The following JAG2 variants were observed in gnomAD, a reference collection of about 807,000 sequenced individuals.
JAG2 encodes protein jagged-2.
A neutral mutation model predicts 141.7 loss-of-function variants in JAG2; 46 were observed. The observed-to-expected ratio is 0.32, with a 90% CI of 0.26 to 0.42. The LOEUF (loss-of-function observed/expected upper bound fraction) is 0.42. Ranked by LOEUF, JAG2 falls within the 10% of genes least tolerant of loss-of-function variation. The pLI is 1.00. For missense variants in JAG2, 1,500 were observed against 1,817.5 expected (o/e 0.83, Z 3.18); for synonymous variants, 862 against 763.5 (o/e 1.13, Z -2.13).
chr14:105,167,982 G>A lies in JAG2; in HGVS notation c.192C>T (p.His64=). 1 of 1,603,094 alleles carries A rather than the reference G, an allele frequency of 6.2e-7. No homozygotes were observed. The highest frequency in any genetic ancestry group is 8.5e-7 in the Non-Finnish European group (1 of 1,177,722). Residue 64 remains histidine, a synonymous_variant, in exon 2 of 26, where the codon CAC becomes CAT. Transcript: ENST00000331782. The surrounding 1 kb of genome is among the most constrained non-coding windows in gnomAD (Gnocchi z 4.8). ...CGCGCACGTACGTGTCGCACTCGTC[G>A]TGGCCGCAGCCCCCCGCGCGCGTTG... ...GRTTRAGGCG[H]DECDTYVRVC...
chr14:105,156,127 G>A, intron 3 of JAG2, 138 bp from the exon 4 acceptor site: 1 of 1,151,166 alleles, frequency 8.7e-7, no homozygotes, highest in Non-Finnish European at 1.2e-6. Context: ...CGGAGGGCAG[G>A]GCCCCCGGCC....
Position 105,150,793 on chromosome 14 carries a change from A to C in JAG2, c.1429-16T>G. On this transcript the variant is annotated splice_polypyrimidine_tract_variant and intron_variant, in intron 11 of 25. Coordinates refer to ENST00000331782, the MANE Select transcript of JAG2 (RefSeq NM_002226.5). ...TCACCAGGTCCTGGGCGGGCCAGCCAGGTGAGCGTCCCGCAGGCACCCTGA... is the reference window on the plus strand; with the variant it reads ...TCACCAGGTCCTGGGCGGGCCAGCCCGGTGAGCGTCCCGCAGGCACCCTGA... 2.5e-6 allele frequency: 4 copies of C among 1,581,986 alleles called. No individual in the cohort carries two copies. The highest frequency in any genetic ancestry group is 3.4e-6 in the Non-Finnish European group (4 of 1,164,570).
intron 7 of JAG2, 80 bp from the exon 8 acceptor site, chr14:105,151,819 T>G: frequency 1.2e-6 from 2 of 1,600,882 alleles, no homozygotes; most frequent in South Asian, 2.2e-5. Context: ...AGCCCACAGG[T>G]TCCCAAGCTG....
rs1394630019 is a variant in JAG2 at position 105,167,741 on chromosome 14, G to A, written c.417+16C>T. 2.1e-6 allele frequency: 3 copies of A among 1,448,176 alleles called. No individual in the cohort carries two copies. The highest frequency in any genetic ancestry group is 3.1e-5 in the East Asian group (1 of 31,968). The allele number at this position is 1,448,176 out of a possible 1,614,324, so 89.7% of individuals were successfully genotyped here. ...GAGAGGGAAGGGCTGGAGCACGAGG[G>A]ATGGAGCGCACGTACCGGCCAGGCG... On this transcript the variant is annotated intron_variant, in intron 2 of 25. Transcript: ENST00000331782. This position sits in a 1 kb window ranked among gnomAD's most constrained non-coding sequence, Gnocchi z 4.8.
Position 105,155,575 on chromosome 14 carries a change from G to A in JAG2, c.775C>T (p.Pro259Ser). 1 of 1,612,826 alleles carries A rather than the reference G, an allele frequency of 6.2e-7. No homozygotes were observed. Among genetic ancestry groups the A allele is most frequent in the Non-Finnish European group, 8.5e-7 (1 of 1,179,954 alleles). Residue 259 changes from proline (P) to serine (S), a missense_variant, in exon 5 of 26, where the codon CCT (proline) becomes TCT (serine). Pro to Ser is a moderately conservative substitution (Grantham distance 74). Transcript: ENST00000331782. ...CGGCACACTCACCTGCACTCCCCAG[G>A]CACGGTGCATCCCCCGTGGAGCAAA... is the stretch of plus-strand genomic sequence containing the variant. ...CNLLHGGCTVPGECRCSYGWQ... is the reference protein window; with the variant it reads ...CNLLHGGCTVSGECRCSYGWQ...
At position 105,168,721 on chromosome 14, in the gene JAG2, T is replaced by G. The variant is rs1212491931; in HGVS notation, c.-301A>C. On this transcript the variant is annotated 5_prime_UTR_variant, in exon 1 of 26. Transcript: ENST00000331782. ...GCGGTGAAGGCAGCGGGTCCCGGCC[T>G]CGGCTCTGCGCGCCCGCGCTCCCGG... 1 of 163,092 alleles carries G rather than the reference T, an allele frequency of 6.1e-6. No homozygotes were observed. Among genetic ancestry groups the G allele is most frequent in the Non-Finnish European group, 1.3e-5 (1 of 77,356 alleles). 10.1% of individuals were successfully genotyped at this position (163,092 alleles called of 1,614,324 possible). A position where few individuals can be genotyped will look rare whatever the true frequency, so the allele number is the denominator to read the frequency against.
In JAG2 at chr14:105,142,934, T is replaced by C. The variant is rs1399666136; in HGVS notation, c.3478A>G (p.Arg1160Gly). The C allele has an allele frequency of 1.9e-6, 3 of 1,608,624 alleles. No homozygotes were observed. The highest frequency in any genetic ancestry group is 2.5e-6 in the Non-Finnish European group (3 of 1,177,774). Residue 1160 changes from arginine (R) to glycine (G), a missense_variant, in exon 26 of 26, where the codon AGG becomes GGG. This residue lies in a region of JAG2 where 425 missense variants were observed against 441.0 expected (regional missense o/e 0.96). Transcript: ENST00000331782. ...GGCCCGGGCAGCGCCTCGTCCGCCC[T>C]GCGCGGCGGCGGCGTGAAGTTCTTG... ...QCKNFTPPPR[R>G]ADEALPGPAG...
Position 105,148,735 on chromosome 14 carries a change from G to C in JAG2, c.2020+10C>G. The C allele has an allele frequency of 6.4e-7, 1 of 1,554,626 alleles. No homozygotes were observed. The highest frequency in any genetic ancestry group is 8.7e-7 in the Non-Finnish European group (1 of 1,149,114). On this transcript the variant is annotated intron_variant, in intron 15 of 25. Coordinates refer to ENST00000331782, the MANE Select transcript of JAG2 (RefSeq NM_002226.5). Reference sequence around the variant, plus strand: ...GCACAGGCCGTGTGGGCGGGTGCTGGAACACTCACTGGTGTCGCAGAGCTC... The same window carrying C: ...GCACAGGCCGTGTGGGCGGGTGCTGCAACACTCACTGGTGTCGCAGAGCTC...
rs1362481366 is a variant in JAG2, at chr14:105,163,242, C to T, written c.417+4515G>A. Among the ~76,000 whole-genome samples the T allele has an allele frequency of 3.3e-5, 5 of 152,334 alleles. No homozygotes were observed. In the South Asian group the frequency reaches 6.2e-4, roughly 19 times the overall value. ...CCAGGCCTCTGCCACCATTGTCACC[C>T]GAGGCAGGGAAGAAGGGGTGGGGGC... On this transcript the variant is annotated intron_variant, in intron 2 of 25. Transcript: ENST00000331782.
In JAG2 at chr14:105,143,148, A is replaced by G; in HGVS notation, c.3264T>C (p.Cys1088=). 1 of 1,598,584 alleles carries G rather than the reference A, an allele frequency of 6.3e-7. No homozygotes were observed. The highest frequency in any genetic ancestry group is 1.1e-5 in the South Asian group (1 of 91,068). The part of the protein sequence containing the change: ...SSTGLLVPVL[C]GAFSVLWLAC... Reference sequence around the variant, plus strand: ...CCAGCCACAGCACGCTGAAGGCACCACACAGCACAGGCACCAGCAGACCTG... The same window carrying G: ...CCAGCCACAGCACGCTGAAGGCACCGCACAGCACAGGCACCAGCAGACCTG... The change falls in exon 26 of 26, where the codon TGT becomes TGC. Residue 1088 remains cysteine (C), a synonymous_variant. Coordinates refer to ENST00000331782, the MANE Select transcript of JAG2 (RefSeq NM_002226.5).
At chr14:105,147,708 CG>C in intron 18 of JAG2, 63 bp downstream of exon 18, 2 of 1,246,058 alleles carry the variant, frequency 1.6e-6, no homozygotes. Flanking sequence ...GGGGGCGAGT[CG>C]GGGGCAGGGA....
rs754331437 is a variant in JAG2, at chr14:105,168,006, T to G, written c.168A>C (p.Thr56=). The change falls in exon 2 of 26, where the codon ACA becomes ACC. Residue 56 remains threonine (T), a synonymous_variant. Transcript: ENST00000331782. ...SGACCDGDGR[T]TRAGGCGHDE... ...CGTGGCCGCAGCCCCCCGCGCGCGT[T>G]GTCCGGCCGTCGCCGTCACAGCAGG... 2 of 1,599,696 alleles carry G rather than the reference T, an allele frequency of 1.3e-6. No individual in the cohort carries two copies. The highest frequency in any genetic ancestry group is 8.5e-7 in the Non-Finnish European group (1 of 1,177,100).
At chr14:105,166,183 G>A (rs1490121392) in intron 2 of JAG2, among the ~76,000 whole-genome samples, 1 of 152,246 alleles carries the variant, frequency 6.6e-6, no homozygotes, top group African/African-American at 2.4e-5. Context: ...GGAAGGCAAG[G>A]GCCTACCCGG....
rs753947897 is a variant in JAG2 at position 105,147,454 on chromosome 14, G to A, written c.2394-43C>T. ...GGCATCAGGTGGCCCCCCGTGGTAT[G>A]CCAAGTCCCACCCACCCCTGCTGTG... On this transcript the variant is annotated intron_variant, in intron 19 of 25. Coordinates refer to ENST00000331782, the MANE Select transcript of JAG2 (RefSeq NM_002226.5). 3.1e-6 allele frequency: 5 copies of A among 1,608,666 alleles called. No individual in the cohort carries two copies. The South Asian group carries it at 5.5e-5, about 18-fold the overall frequency.
At chr14:105,153,603 C>T (rs953124559) in intron 5 of JAG2, among the ~76,000 whole-genome samples, 2 of 152,210 alleles carry the variant, frequency 1.3e-5, no homozygotes, top group South Asian at 2.1e-4. Flanking sequence ...TGGCCATCTC[C>T]GCAGCATCCG....
chr14:105,143,836 T>G (rs1295720898), intron 24 of JAG2, among the ~76,000 whole-genome samples, 198 bp from the exon 25 acceptor site: 1 of 141,402 alleles, frequency 7.1e-6, no homozygotes, highest in Non-Finnish European at 1.5e-5. Flanking sequence ...GTGGAGGCTG[T>G]CCCCATCCGG....
rs1888176783 is a variant in JAG2, at chr14:105,144,929, C to G, written c.3084+1G>C. The G allele has an allele frequency of 6.3e-7, 1 of 1,598,502 alleles. No individual in the cohort carries two copies. The highest frequency in any genetic ancestry group is 8.5e-7 in the Non-Finnish European group (1 of 1,176,330). ...GGTGCTGCTCCCCACTGGGCACTCA[C>G]CACGGCCACCTCCACAGCACTGGCC... On this transcript the variant is annotated splice_donor_variant, in intron 24 of 25. Coordinates refer to ENST00000331782, the MANE Select transcript of JAG2 (RefSeq NM_002226.5). LOFTEE classifies it high-confidence loss of function.
chr14:105,168,368 G>T lies in JAG2; in HGVS notation c.53C>A (p.Ala18Glu). ...CGCCCCGCTCACCTGCACCCAGAGC[G>T]CCAGCAGCAGCAGCAGCCGCCGGGG... ...RLPRRLLLLL[A>E]LWVQAARPMG... Residue 18 changes from alanine (A) to glutamate (E), a missense_variant, in exon 1 of 26, where the codon GCG becomes GAG. This residue lies in a region of JAG2 where 200 missense variants were observed against 174.3 expected (regional missense o/e 1.15). Coordinates refer to ENST00000331782, the MANE Select transcript of JAG2 (RefSeq NM_002226.5). 2.0e-6 allele frequency: 2 copies of T among 975,610 alleles called. No homozygotes were observed. The highest frequency in any genetic ancestry group is 1.3e-6 in the Non-Finnish European group (1 of 785,946). The allele number at this position is 975,610 out of a possible 1,614,324, so 60.4% of individuals were successfully genotyped here.
In JAG2 at chr14:105,148,326, G is replaced by T. The variant is rs764146079; in HGVS notation, c.2134C>A (p.Arg712Ser). 3 of 1,609,668 alleles carry T rather than the reference G, an allele frequency of 1.9e-6. No homozygotes were observed. In the South Asian group the frequency reaches 3.3e-5, roughly 18 times the overall value. ...GCGGCCAGGGCCTGCGGACACTCACGTGAGTGGCAGGTCTTGCCCTTCCAG... is the reference window on the plus strand; with the variant it reads ...GCGGCCAGGGCCTGCGGACACTCACTTGAGTGGCAGGTCTTGCCCTTCCAG... Reference protein sequence around the residue: ...DGWKGKTCHSREFQCDAYTCS... With the variant: ...DGWKGKTCHSSEFQCDAYTCS... The change falls in exon 16 of 26, where the codon CGC (arginine) becomes AGC (serine). Residue 712 changes from arginine (R) to serine (S), a missense_variant and splice_region_variant. This residue lies in a region of JAG2 where 875 missense variants were observed against 1,202.2 expected (regional missense o/e 0.73). Transcript: ENST00000331782.
Sources: allele counts gnomAD v4.1 joint callset (sites outside exome capture counted in the v4.1 genomes callset), GRCh38; gene constraint gnomAD v4.1.1; regional missense constraint gnomAD v4.1.1; non-coding constraint Gnocchi (gnomAD v3.1); transcripts MANE v1.5; gene names NCBI Gene and HGNC (gene_info 2026-07-23, HGNC 2026-07-21).